The following EGFR variants were observed in gnomAD, a reference collection of about 807,000 sequenced individuals.
EGFR encodes avian erythroblastic leukemia viral (v-erb-b) oncogene homolog.
Under a neutral mutation model 143.0 loss-of-function variants are expected in EGFR, and 58 were observed. The observed-to-expected ratio is 0.41, with a 90% confidence interval of 0.33 to 0.50. The LOEUF is 0.50. Ranked by LOEUF, EGFR falls within the 20% of genes least tolerant of loss-of-function variation. EGFR has a pLI of 0.39. For missense variants in EGFR, 1,307 were observed against 1,579.0 expected (o/e 0.83, Z 2.92); for synonymous variants, 613 against 594.4 (o/e 1.03, Z -0.45).
Position 55,206,244 on chromosome 7 carries a change from C to T in EGFR, c.*627C>T, listed in dbSNP as rs762966852. 71 of 236,270 alleles carry T rather than the reference C, an allele frequency of 3.0e-4. No individual in the cohort carries two copies. The highest frequency in any genetic ancestry group is 4.8e-4 in the Non-Finnish European group (58 of 120,156). The allele number at this position is 236,270 out of a possible 1,614,324, so 14.6% of individuals were successfully genotyped here. ...TGTCCCTTCCTGGGCAAAGAAGAAA[C>T]GGAGGGGATGGAATTCTTCCTTAGA... is the stretch of plus-strand genomic sequence containing the variant. On this transcript the variant is annotated 3_prime_UTR_variant, in exon 28 of 28. Coordinates refer to ENST00000275493, the MANE Select transcript of EGFR (RefSeq NM_005228.5).
chr7:55,169,686 A>G (rs569367557), intron 15 of EGFR, among the ~76,000 whole-genome samples: 1 of 152,294 alleles, frequency 6.6e-6, no homozygotes, highest in South Asian at 2.1e-4. Flanking sequence ...CGAGGGCCTC[A>G]TCAGCGTCAG....
At chr7:55,084,349 C>T (rs1167092530) in intron 1 of EGFR, among the ~76,000 whole-genome samples, 4 of 152,188 alleles carry the variant, frequency 2.6e-5, no homozygotes, top group East Asian at 1.9e-4. Context: ...TTAGCATGGC[C>T]GCCTGCTTCT....
At chr7:55,086,156 T>C (rs1438230307) in intron 1 of EGFR, among the ~76,000 whole-genome samples, 4 of 152,298 alleles carry the variant, frequency 2.6e-5, no homozygotes, top group Non-Finnish European at 5.9e-5. Flanking sequence ...AATACCTCCA[T>C]GTTACTGCCG....
chr7:55,058,384 A>G (rs1467632312), intron 1 of EGFR, among the ~76,000 whole-genome samples: 1 of 151,258 alleles, frequency 6.6e-6, no homozygotes, highest in Non-Finnish European at 1.5e-5. Context: ...ACAGAGCGAG[A>G]CTCTGTCTCA....
intron 1 of EGFR, among the ~76,000 whole-genome samples, chr7:55,117,673 T>C (rs1171988420): frequency 6.6e-6 from 1 of 152,170 alleles, no homozygotes; most frequent in Non-Finnish European, 1.5e-5. Context: ...GGTATTCCCT[T>C]CTGCGCCATA....
rs1788099892 is a variant in EGFR at position 55,206,187 on chromosome 7, A to G, written c.*570A>G. On this transcript the variant is annotated 3_prime_UTR_variant, in exon 28 of 28. Transcript: ENST00000275493. Reference sequence around the variant, plus strand: ...AGCAGGCCGGATCGGTACTGTATCAAGTCATGGCAGGTACAGTAGGATAAG... The same window carrying G: ...AGCAGGCCGGATCGGTACTGTATCAGGTCATGGCAGGTACAGTAGGATAAG... The G allele has an allele frequency of 3.9e-6, 1 of 255,040 alleles. No homozygotes were observed. Among genetic ancestry groups the G allele is most frequent in the Admixed American group, 4.9e-5 (1 of 20,440 alleles). 15.8% of individuals were successfully genotyped at this position (255,040 alleles called of 1,614,324 possible). A position where few individuals can be genotyped will look rare whatever the true frequency, so the allele number is the denominator to read the frequency against.
chr7:55,151,919 G>A (rs1315492643), intron 5 of EGFR, among the ~76,000 whole-genome samples: 1 of 152,142 alleles, frequency 6.6e-6, no homozygotes, highest in African/African-American at 2.4e-5. Context: ...ACATCAGCAA[G>A]TACCCCAGCC....
intron 19 of EGFR, 89 bp downstream of exon 19, chr7:55,174,909 C>A (rs2128955080): frequency 9.9e-7 from 1 of 1,006,828 alleles, no homozygotes; most frequent in Non-Finnish European, 1.6e-6. Context: ...TGCTCTAGAC[C>A]CTGCTCATCT....
intron 1 of EGFR, among the ~76,000 whole-genome samples, chr7:55,078,801 G>A (rs111711228): frequency 0.012 from 1,841 of 152,302 alleles, 21 homozygotes; most frequent in Middle Eastern, 0.034. Flanking sequence ...TGTCCCCAGA[G>A]CGTCCACTTT....
intron 1 of EGFR, among the ~76,000 whole-genome samples, chr7:55,102,157 C>T (rs1180906869): frequency 6.6e-6 from 1 of 152,180 alleles, no homozygotes; most frequent in Non-Finnish European, 1.5e-5. Context: ...GACCCACCCC[C>T]ACTCATCACC....
chr7:55,031,308 T>C (rs1787230986), intron 1 of EGFR, among the ~76,000 whole-genome samples: 1 of 152,264 alleles, frequency 6.6e-6, no homozygotes, highest in Admixed American at 6.5e-5. Context: ...CCACTGAACC[T>C]GTAAGTCTTG....
intron 1 of EGFR, among the ~76,000 whole-genome samples, chr7:55,075,743 C>A (rs1416168940): frequency 6.6e-6 from 1 of 152,202 alleles, no homozygotes; most frequent in East Asian, 1.9e-4. Context: ...ACGCTCAGAG[C>A]TACACAGTGT....
rs1418080552 is a variant in EGFR, at chr7:55,207,187, C to T, written c.*1570C>T. ...TGGTTCAGAAAATATTTTCAGCCTA[C>T]AGTTATGTTCAGTCACACACACATA... On this transcript the variant is annotated 3_prime_UTR_variant, in exon 28 of 28. Transcript: ENST00000275493. 8.6e-6 allele frequency: 2 copies of T among 232,974 alleles called. No homozygotes were observed. The highest frequency in any genetic ancestry group is 1.2e-4 in the East Asian group (2 of 16,522). 14.4% of individuals were successfully genotyped at this position (232,974 alleles called of 1,614,324 possible). A position where few individuals can be genotyped will look rare whatever the true frequency, so the allele number is the denominator to read the frequency against.
Position 55,099,671 on chromosome 7 carries a change from T to C in EGFR, c.89-42615T>C, listed in dbSNP as rs565043707. On this transcript the variant is annotated intron_variant, in intron 1 of 27. Coordinates refer to ENST00000275493, the MANE Select transcript of EGFR (RefSeq NM_005228.5). Reference sequence around the variant, plus strand: ...CCTGGGACTCTGCCTTCAGGGCTTCTTGCCTGGCTGGGAGCTGCACAGGCA... The same window carrying C: ...CCTGGGACTCTGCCTTCAGGGCTTCCTGCCTGGCTGGGAGCTGCACAGGCA... Among the ~76,000 whole-genome samples, 3 of 152,314 alleles carry C rather than the reference T, an allele frequency of 2.0e-5. No individual in the cohort carries two copies. In the South Asian group the frequency reaches 6.2e-4, roughly 32 times the overall value.
intron 11 of EGFR, among the ~76,000 whole-genome samples, chr7:55,158,985 T>G (rs555045997): frequency 8.5e-5 from 13 of 152,344 alleles, no homozygotes; most frequent in African/African-American, 3.1e-4. Context: ...AACATCAGTC[T>G]CTTCATCCAG....
intron 1 of EGFR, among the ~76,000 whole-genome samples, chr7:55,090,184 G>A (rs537437754): frequency 3.9e-5 from 6 of 152,222 alleles, no homozygotes; most frequent in African/African-American, 1.2e-4. Flanking sequence ...GGTCAGGTTG[G>A]TCTCAAACTC....
chr7:55,101,364 G>A (rs942750985), intron 1 of EGFR, among the ~76,000 whole-genome samples: 2 of 152,198 alleles, frequency 1.3e-5, no homozygotes, highest in Non-Finnish European at 2.9e-5. Context: ...GCATTTCCCC[G>A]TGTTCTTTCT....
intron 1 of EGFR, among the ~76,000 whole-genome samples, chr7:55,095,721 GACACACAC>G (rs35578833): frequency 5.4e-5 from 8 of 148,668 alleles, no homozygotes; most frequent in East Asian, 2.0e-4. Flanking sequence ...GATACACACA[GACACACAC>G]ACACACACAC....
At chr7:55,086,163 G>T (rs538979026) in intron 1 of EGFR, among the ~76,000 whole-genome samples, 2 of 152,156 alleles carry the variant, frequency 1.3e-5, no homozygotes, top group Admixed American at 6.5e-5. Flanking sequence ...CCATGTTACT[G>T]CCGAGGAAAG....
Sources: allele counts gnomAD v4.1 joint callset (sites outside exome capture counted in the v4.1 genomes callset), GRCh38; gene constraint gnomAD v4.1.1; transcripts MANE v1.5; gene names NCBI Gene and HGNC (gene_info 2026-07-23, HGNC 2026-07-21).